Variants in TP53BP1 observed in about 807,000 individuals in gnomAD.
TP53BP1 encodes tumor protein p53 binding protein 1.
A neutral mutation model predicts 200.8 loss-of-function variants in TP53BP1; 61 were observed. The observed-to-expected ratio is 0.30, with a 90% CI of 0.25 to 0.38. The LOEUF is 0.38. TP53BP1 is among the 10% of genes least tolerant of loss of function. The pLI, the probability that TP53BP1 is intolerant of heterozygous loss-of-function variation, is 1.00. For missense variants in TP53BP1, 2,144 were observed against 2,371.9 expected, an observed-to-expected ratio of 0.90 and a Z score of 2.00; for synonymous variants, 822 against 844.3, an observed-to-expected ratio of 0.97 and a Z score of 0.46.
rs746379666 is a variant in TP53BP1 at position 43,508,232 on chromosome 15, C to T, written c.-9+2138G>A. On this transcript the variant is annotated intron_variant, in intron 1 of 27. Transcript: ENST00000263801. Reference sequence around the variant, plus strand: ...AAAATTAGCTGGGCATGGTGGCGCACGCCTGTAGTCCCAGCTACTCAGGAG... The same window carrying T: ...AAAATTAGCTGGGCATGGTGGCGCATGCCTGTAGTCCCAGCTACTCAGGAG... Among the ~76,000 whole-genome samples the T allele has an allele frequency of 3.9e-5, 6 of 152,034 alleles. No homozygotes were observed. The East Asian group carries it at 5.8e-4, about 15-fold the overall frequency.
chr15:43,440,585 G>A (rs978622879), intron 15 of TP53BP1, among the ~76,000 whole-genome samples: 1 of 151,720 alleles, frequency 6.6e-6, no homozygotes, highest in Non-Finnish European at 1.5e-5. Flanking sequence ...TACCCGCCTA[G>A]CCTCTAATTT....
At chr15:43,409,494 T>G (rs1294580432) in intron 25 of TP53BP1, 153 bp downstream of exon 25, 1 of 520,326 alleles carries the variant, frequency 1.9e-6, no homozygotes, top group East Asian at 3.0e-5. Flanking sequence ...ACAAAAATTC[T>G]ATTTCATGCA....
At chr15:43,502,964 G>T (rs2079217307) in intron 1 of TP53BP1, among the ~76,000 whole-genome samples, 1 of 151,804 alleles carries the variant, frequency 6.6e-6, no homozygotes, top group Non-Finnish European at 1.5e-5. Flanking sequence ...TGTTGGCCAG[G>T]CTGGTCTTCA....
In TP53BP1 at chr15:43,421,147, C is replaced by A. The variant is rs374260931; in HGVS notation, c.4128G>T (p.Gly1376=). 1.2e-6 allele frequency: 2 copies of A among 1,614,200 alleles called. No individual in the cohort carries two copies. The highest frequency in any genetic ancestry group is 1.7e-6 in the Non-Finnish European group (2 of 1,180,022). Residue 1376 remains glycine, a synonymous_variant, in exon 20 of 28, where the codon GGG becomes GGT. Transcript: ENST00000382044. ...CACCATCCTCCTCACACACTGGCGTCCCTGTCTGACTGACCCCTTTTCTAG... is the reference window on the plus strand; with the variant it reads ...CACCATCCTCCTCACACACTGGCGTACCTGTCTGACTGACCCCTTTTCTAG... The part of the protein sequence containing the change: ...LSPRKGVSQT[G]TPVCEEDGDA...
chr15:43,413,071 A>G (rs762700645), intron 24 of TP53BP1, 48 bp downstream of exon 24: 3 of 1,585,758 alleles, frequency 1.9e-6, no homozygotes, highest in Admixed American at 1.7e-5. Context: ...ACTGGAAAAG[A>G]AAGAAGTGCC....
Position 43,477,674 on chromosome 15 carries a change from T to C in TP53BP1, c.874A>G (p.Ser292Gly). The C allele has an allele frequency of 6.2e-7, 1 of 1,613,934 alleles. No individual in the cohort carries two copies. Among genetic ancestry groups the C allele is most frequent in the South Asian group, 1.1e-5 (1 of 91,052 alleles). ...GGTGACTTCTGAATCTGCAGTCCACTTTCCATAAGTTCTTGTGCAGACAAC... is the reference window on the plus strand; with the variant it reads ...GGTGACTTCTGAATCTGCAGTCCACCTTCCATAAGTTCTTGTGCAGACAAC... ...EQLSAQELME[S>G]GLQIQKSPEP... Residue 292 changes from serine to glycine, a missense_variant, in exon 8 of 28, where the codon AGT becomes GGT. By Grantham distance (56) the Ser-to-Gly change is moderately conservative. Coordinates refer to ENST00000382044, the MANE Select transcript of TP53BP1 (RefSeq NM_001141980.3).
In TP53BP1 at chr15:43,477,673, C is replaced by T; in HGVS notation, c.875G>A (p.Ser292Asn). ...TGGTGACTTCTGAATCTGCAGTCCA[C>T]TTTCCATAAGTTCTTGTGCAGACAA... ...EQLSAQELMESGLQIQKSPEP... is the reference protein window; with the variant it reads ...EQLSAQELMENGLQIQKSPEP... Residue 292 changes from serine to asparagine, a missense_variant, in exon 8 of 28, where the codon AGT becomes AAT. This residue lies in a region of TP53BP1 where 1,700 missense variants were observed against 1,710.3 expected (regional missense o/e 0.99). Coordinates refer to ENST00000382044, the MANE Select transcript of TP53BP1 (RefSeq NM_001141980.3). 1.2e-6 allele frequency: 2 copies of T among 1,613,940 alleles called. No individual in the cohort carries two copies. Among genetic ancestry groups the T allele is most frequent in the Non-Finnish European group, 1.7e-6 (2 of 1,179,920 alleles).
At chr15:43,492,932 C>G (rs2140160440) in intron 1 of TP53BP1, 105 bp downstream of exon 1, 3 of 1,386,672 alleles carry the variant, frequency 2.2e-6, no homozygotes, top group Non-Finnish European at 3.0e-6. Context: ...TTCCCCGTCA[C>G]CGCCGCCATG....
chr15:43,501,073 T>A (rs1359962943), intron 1 of TP53BP1, among the ~76,000 whole-genome samples: 1 of 152,200 alleles, frequency 6.6e-6, no homozygotes, highest in Non-Finnish European at 1.5e-5. Context: ...TATTTTAAAA[T>A]CACTTAAAAC....
chr15:43,435,347 T>C (rs146057635), intron 16 of TP53BP1, among the ~76,000 whole-genome samples: 2 of 152,034 alleles, frequency 1.3e-5, no homozygotes. Context: ...GTCTAACTAT[T>C]CTATTCTGAG....
intron 4 of TP53BP1, among the ~76,000 whole-genome samples, 190 bp from the exon 5 acceptor site, chr15:43,481,212 TAAGTA>T (rs2078959999): frequency 2.6e-5 from 4 of 152,134 alleles, no homozygotes; most frequent in African/African-American, 9.6e-5. Context: ...TACACAGAAT[TAAGTA>T]AAGAAAAAAT....
At chr15:43,510,213 A>AC (rs1207770811) in intron 1 of TP53BP1, among the ~76,000 whole-genome samples, 2 of 150,002 alleles carry the variant, frequency 1.3e-5, no homozygotes, top group Non-Finnish European at 3.0e-5. Context: ...CCTGAGGGAG[A>AC]CCCATCTCAC....
At chr15:43,451,285 C>T (rs1199343758) in intron 12 of TP53BP1, among the ~76,000 whole-genome samples, 1 of 151,914 alleles carries the variant, frequency 6.6e-6, no homozygotes, top group Non-Finnish European at 1.5e-5. Flanking sequence ...CTGCACCCAT[C>T]AACTCGTCAT....
intron 11 of TP53BP1, 78 bp from the exon 12 acceptor site, chr15:43,457,296 T>A: frequency 8.1e-7 from 1 of 1,229,920 alleles, no homozygotes; most frequent in Non-Finnish European, 1.1e-6. Flanking sequence ...TGGATTCATA[T>A]AAAATTTCTA....
intron 15 of TP53BP1, among the ~76,000 whole-genome samples, chr15:43,438,727 GCAAAAAA>G (rs1443571623): frequency 1.0e-4 from 2 of 19,312 alleles, no homozygotes; most frequent in East Asian, 2.3e-3. Flanking sequence ...CAAGCAAGAG[GCAAAAAA>G]AAAAAAAAAA....
rs1383521611 is a variant in TP53BP1 at position 43,428,041 on chromosome 15, G to T, written c.3803C>A (p.Thr1268Lys). 1 of 1,610,270 alleles carries T rather than the reference G, an allele frequency of 6.2e-7. No individual in the cohort carries two copies. Residue 1268 changes from threonine (T) to lysine (K), a missense_variant, in exon 18 of 28, where the codon ACA becomes AAA. Thr to Lys is a moderately conservative substitution (Grantham distance 78). Transcript: ENST00000382044. ...CTCAGTTACTTTTCTTTCTACTTCTGTTCCATCCACATAATACACATCTGT... is the reference window on the plus strand; with the variant it reads ...CTCAGTTACTTTTCTTTCTACTTCTTTTCCATCCACATAATACACATCTGT... ...VITDVYYVDG[T>K]EVERKVTEET...
At chr15:43,480,602 C>G (rs543548277) in intron 5 of TP53BP1, among the ~76,000 whole-genome samples, 9 of 152,278 alleles carry the variant, frequency 5.9e-5, no homozygotes, top group Non-Finnish European at 8.8e-5. Flanking sequence ...ACAGTCACAG[C>G]AATTCAGACT....
chr15:43,492,912 C>A, intron 1 of TP53BP1, 125 bp downstream of exon 1: 1 of 1,230,638 alleles, frequency 8.1e-7, no homozygotes. Context: ...CCTTAGGGCC[C>A]TCCAACCCCT....
intron 11 of TP53BP1, among the ~76,000 whole-genome samples, chr15:43,465,823 T>G (rs2046563529): frequency 6.6e-6 from 1 of 151,914 alleles, no homozygotes; most frequent in East Asian, 1.9e-4. Flanking sequence ...TGTTGTTGTT[T>G]TGTTTTGTTT....
Sources: gnomAD v4.1 joint callset for allele counts (sites outside exome capture counted in the v4.1 genomes callset) on GRCh38, gnomAD v4.1.1 for gene constraint, gnomAD v4.1.1 regional missense constraint, MANE v1.5 for transcripts, NCBI Gene and HGNC (gene_info 2026-07-23, HGNC 2026-07-21) for gene names.